Variants in ARHGAP11B observed in about 807,000 individuals in gnomAD.
ARHGAP11B encodes the protein Rho GTPase activating protein 11B, also known as inactive Rho GTPase-activating protein 11B.
Under a neutral mutation model 27.6 loss-of-function variants are expected in ARHGAP11B, and 14 were observed. The observed-to-expected ratio is 0.51, with a 90% CI of 0.34 to 0.79. The LOEUF (loss-of-function observed/expected upper bound fraction) is 0.79, where lower values mean the gene tolerates loss of function less well. Ranked by LOEUF, ARHGAP11B falls within the 30% of genes least tolerant of loss-of-function variation. The pLI, the probability that ARHGAP11B is intolerant of heterozygous loss-of-function variation, is 0.02. For synonymous variants in ARHGAP11B, 82 were observed against 114.1 expected, an observed-to-expected ratio of 0.72 and a Z score of 1.80; for missense variants, 245 against 320.1, an observed-to-expected ratio of 0.77 and a Z score of 1.79.
intron 2 of ARHGAP11B, among the ~76,000 whole-genome samples, chr15:30,632,355 A>G (rs1402505959): frequency 2.0e-5 from 3 of 148,378 alleles, no homozygotes; most frequent in Non-Finnish European, 3.0e-5. Context: ...CAGGAGGCAA[A>G]GGTTGCAGTG....
intron 6 of ARHGAP11B, among the ~76,000 whole-genome samples, chr15:30,637,437 C>T (rs1456799770): frequency 6.6e-6 from 1 of 152,040 alleles, no homozygotes; most frequent in Non-Finnish European, 1.5e-5. Context: ...TGCATTGTTA[C>T]TGTAAGAATC....
intron 7 of ARHGAP11B, among the ~76,000 whole-genome samples, chr15:30,642,309 T>C (rs1442353088): frequency 6.6e-6 from 1 of 152,020 alleles, no homozygotes; most frequent in Non-Finnish European, 1.5e-5. Flanking sequence ...ACTATTTTAC[T>C]TCTTTTGTAA....
At chr15:30,641,601 A>C (rs540548541) in intron 7 of ARHGAP11B, 9 of 152,264 alleles carry the variant, frequency 5.9e-5, no homozygotes, top group African/African-American at 2.2e-4. Flanking sequence ...TGGTCTTCCA[A>C]AGTGCTGGGA....
chr15:30,633,444 G>A (rs771786336), intron 2 of ARHGAP11B, 46 bp from the exon 3 acceptor site: 39 of 1,529,716 alleles, frequency 2.5e-5, no homozygotes, highest in Non-Finnish European at 3.3e-5. Context: ...CAGAGGAATA[G>A]GATGTGATAT....
At chr15:30,631,153 ATTT>A (rs958843220) in intron 2 of ARHGAP11B, among the ~76,000 whole-genome samples, 3 of 151,322 alleles carry the variant, frequency 2.0e-5, no homozygotes, top group Non-Finnish European at 2.9e-5. Context: ...TGTTAAAAAT[ATTT>A]TTTTAACTTT....
intron 7 of ARHGAP11B, among the ~76,000 whole-genome samples, chr15:30,642,138 G>A (rs1317449807): frequency 6.6e-6 from 1 of 151,836 alleles, no homozygotes; most frequent in Non-Finnish European, 1.5e-5. Context: ...TTCTAAGGTG[G>A]TTGTATTTTT....
At chr15:30,643,597 A>G (rs1015245551) in intron 7 of ARHGAP11B, among the ~76,000 whole-genome samples, 1 of 152,068 alleles carries the variant, frequency 6.6e-6, no homozygotes, top group African/African-American at 2.4e-5. Context: ...TTTGTAATAC[A>G]TGTTATAAAA....
intron 8 of ARHGAP11B, among the ~76,000 whole-genome samples, chr15:30,645,466 C>T (rs1396847702): frequency 6.6e-6 from 1 of 151,808 alleles, no homozygotes; most frequent in African/African-American, 2.4e-5. Flanking sequence ...GCTTTCAGTG[C>T]CAAGTAGGTC....
At chr15:30,636,298 ATTAG>A (rs2060279223) in intron 6 of ARHGAP11B, among the ~76,000 whole-genome samples, 1 of 152,044 alleles carries the variant, frequency 6.6e-6, no homozygotes, top group Non-Finnish European at 1.5e-5. Context: ...AGTGACATGG[ATTAG>A]TTAGTTAGGA....
intron 7 of ARHGAP11B, among the ~76,000 whole-genome samples, chr15:30,639,042 CTATGTCTTTAATCTTCTTAATCATGCT>C (rs2060299435): frequency 6.6e-6 from 1 of 151,780 alleles, no homozygotes; most frequent in African/African-American, 2.4e-5. Flanking sequence ...TTTTAGTTTC[CTATGTCTTTAATCTTCTTAATCATGCT>C]TTTCTGTTTG....
At chr15:30,628,006 A>G (rs1008745513) in intron 1 of ARHGAP11B, among the ~76,000 whole-genome samples, 1 of 151,716 alleles carries the variant, frequency 6.6e-6, no homozygotes, top group Non-Finnish European at 1.5e-5. Context: ...CAAGATCTCA[A>G]ATGTAGCTGA....
chr15:30,637,415 C>T (rs1372131944), intron 6 of ARHGAP11B, among the ~76,000 whole-genome samples: 1 of 152,046 alleles, frequency 6.6e-6, no homozygotes, highest in African/African-American at 2.4e-5. Flanking sequence ...ATTCTATCTC[C>T]ATAGTGTTTA....
chr15:30,634,220 T>C, exon 4 of ARHGAP11B: 1 of 1,611,126 alleles, frequency 6.2e-7, no homozygotes, highest in Non-Finnish European at 8.5e-7. Flanking sequence ...CTCCTTGTGA[T>C]ATTGCGGGAC....
intron 2 of ARHGAP11B, among the ~76,000 whole-genome samples, chr15:30,631,654 T>A (rs1370830308): frequency 6.6e-6 from 1 of 152,192 alleles, no homozygotes; most frequent in Non-Finnish European, 1.5e-5. Context: ...GGCAACAGAG[T>A]GAGACCCTGT....
intron 2 of ARHGAP11B, among the ~76,000 whole-genome samples, chr15:30,631,222 A>T (rs1010681427): frequency 3.3e-5 from 5 of 151,868 alleles, no homozygotes; most frequent in Non-Finnish European, 5.9e-5. Flanking sequence ...TTTAAAGTCC[A>T]GTAATGAGTA....
chr15:30,635,148 G>A (rs576661518), exon 5 of ARHGAP11B: 1 of 1,613,464 alleles, frequency 6.2e-7, no homozygotes, highest in East Asian at 2.2e-5. Flanking sequence ...CTTCAGACAA[G>A]TGAAGGACAT....
intron 2 of ARHGAP11B, among the ~76,000 whole-genome samples, chr15:30,631,495 T>TA (rs1344726142): frequency 6.6e-6 from 1 of 151,912 alleles, no homozygotes; most frequent in Non-Finnish European, 1.5e-5. Context: ...ACTCCATGTA[T>TA]AAAAAAAATT....
At chr15:30,643,855 AATG>A (rs1478767311) in intron 7 of ARHGAP11B, among the ~76,000 whole-genome samples, 1 of 152,050 alleles carries the variant, frequency 6.6e-6, no homozygotes, top group Non-Finnish European at 1.5e-5. Context: ...TAGGTATAGA[AATG>A]ATGGTTGAAT....
At chr15:30,631,754 A>G (rs1475217480) in intron 2 of ARHGAP11B, among the ~76,000 whole-genome samples, 6 of 151,812 alleles carry the variant, frequency 4.0e-5, no homozygotes, top group African/African-American at 9.7e-5. Context: ...TAGCTTTTCT[A>G]TGCCACTTAC....
Sources: gnomAD v4.1 joint callset for allele counts (sites outside exome capture counted in the v4.1 genomes callset) on GRCh38, gnomAD v4.1.1 for gene constraint, MANE v1.5 for transcripts, NCBI Gene and HGNC (gene_info 2026-07-23, HGNC 2026-07-21) for gene names.